Variants in PTPRS observed in about 807,000 individuals in gnomAD.
PTPRS encodes the protein protein tyrosine phosphatase receptor type S, also known as receptor-type tyrosine-protein phosphatase S.
In PTPRS, 63 loss-of-function variants were observed where a neutral mutation model predicts 215.3. The ratio of observed to expected loss-of-function variants is 0.29; its 90% CI spans 0.24 to 0.36. The LOEUF is 0.36. PTPRS is among the 10% of genes least tolerant of loss of function. PTPRS has a pLI of 1.00. For missense variants in PTPRS, 2,258 were observed against 2,825.8 expected (o/e 0.80, Z 4.56); for synonymous variants, 1,404 against 1,191.4 (o/e 1.18, Z -3.68).
intron 17 of PTPRS, among the ~76,000 whole-genome samples, chr19:5,224,476 C>A (rs146237837): frequency 6.6e-6 from 1 of 152,166 alleles, no homozygotes; most frequent in South Asian, 2.1e-4. Flanking sequence ...ATCCAAAATC[C>A]GCCCCTGCTC....
rs1375643869 is a variant in PTPRS at position 5,223,255 on chromosome 19, C to T, written c.2537G>A (p.Gly846Asp). 6.8e-7 allele frequency: 1 copy of T among 1,477,296 alleles called. No homozygotes were observed. The highest frequency in any genetic ancestry group is 2.3e-5 in the Admixed American group (1 of 42,746). The allele number at this position is 1,477,296 out of a possible 1,614,324, so 91.5% of individuals were successfully genotyped here. ...PTLSVQQTPE[G>D]SLLARWEPPA... ...GGGCTCCCAGCGTGCCAGCAGGCTG[C>T]CCTCGGGGGTCTGCTGCACCGACAG... is the stretch of plus-strand genomic sequence containing the variant. Residue 846 changes from glycine to aspartate, a missense_variant, in exon 18 of 38, where the codon GGC (glycine) becomes GAC (aspartate). Coordinates refer to ENST00000262963, the MANE Select transcript of PTPRS (RefSeq NM_002850.4).
intron 20 of PTPRS, among the ~76,000 whole-genome samples, 195 bp from the exon 21 acceptor site, chr19:5,220,548 T>A (rs942987005): frequency 6.6e-6 from 1 of 152,222 alleles, no homozygotes; most frequent in Non-Finnish European, 1.5e-5. Context: ...TGCTGTACTT[T>A]CTGCGTAGAA....
At chr19:5,303,693 G>T (rs1211871917) in intron 1 of PTPRS, among the ~76,000 whole-genome samples, 5 of 151,930 alleles carry the variant, frequency 3.3e-5, no homozygotes, top group African/African-American at 1.2e-4. Context: ...CTCACACCTG[G>T]AATCCCAGCA....
chr19:5,333,606 GC>G (rs958698754), intron 1 of PTPRS, among the ~76,000 whole-genome samples: 1 of 151,444 alleles, frequency 6.6e-6, no homozygotes, highest in Non-Finnish European at 1.5e-5. Flanking sequence ...TCTTGTTTCC[GC>G]CCCCCTCACC....
intron 2 of PTPRS, among the ~76,000 whole-genome samples, chr19:5,276,468 C>T (rs1329024201): frequency 6.6e-6 from 1 of 152,096 alleles, no homozygotes; most frequent in Non-Finnish European, 1.5e-5. Context: ...AGTGATCCAC[C>T]TACCTTGGCC....
chr19:5,214,994 C>T (rs901856538), intron 28 of PTPRS, among the ~76,000 whole-genome samples: 1 of 152,276 alleles, frequency 6.6e-6, no homozygotes, highest in Non-Finnish European at 1.5e-5. Flanking sequence ...ACGCCAGCAA[C>T]ATTTCTTCCC....
chr19:5,229,290 G>T, intron 16 of PTPRS, 26 bp downstream of exon 16: 1 of 1,379,184 alleles, frequency 7.3e-7, no homozygotes, highest in African/African-American at 1.5e-5. Flanking sequence ...CACAGCAGTA[G>T]GTGGGTGGCC....
intron 1 of PTPRS, among the ~76,000 whole-genome samples, chr19:5,324,863 A>G (rs1023120349): frequency 1.3e-5 from 2 of 152,220 alleles, no homozygotes; most frequent in Non-Finnish European, 2.9e-5. Flanking sequence ...ACTGTTTGCA[A>G]AACTTCGAGT....
rs1207115 is a variant in PTPRS at position 5,340,644 on chromosome 19, A to T, written c.-95+20T>A. On this transcript the variant is annotated intron_variant, in intron 1 of 37. Coordinates refer to ENST00000262963, the MANE Select transcript of PTPRS (RefSeq NM_002850.4). ...TTTTTTTCCTCTAATCCATGATTTT[A>T]TTTTTTTTTTTGGCTTTACCTGGAG... 104,436 of 140,582 alleles carry T rather than the reference A, an allele frequency of 0.74. 38,643 individuals are homozygous for T. Among genetic ancestry groups the T allele is most frequent in the African/African-American group, 0.87 (34,245 of 39,412 alleles). The allele number at this position is 140,582 out of a possible 1,614,324, so 8.7% of individuals were successfully genotyped here.
intron 2 of PTPRS, among the ~76,000 whole-genome samples, chr19:5,285,041 G>C (rs2048227666): frequency 6.6e-6 from 1 of 152,244 alleles, no homozygotes; most frequent in African/African-American, 2.4e-5. Context: ...TTGTTAACCA[G>C]CAGTAATACC....
chr19:5,285,687 G>T (rs538613555), intron 2 of PTPRS, among the ~76,000 whole-genome samples: 5 of 152,282 alleles, frequency 3.3e-5, no homozygotes, highest in Non-Finnish European at 7.3e-5. Context: ...TTCCCTCATT[G>T]GGAAACGTGG....
chr19:5,235,090 G>A (rs545443924), intron 13 of PTPRS, among the ~76,000 whole-genome samples: 9 of 152,008 alleles, frequency 5.9e-5, no homozygotes, highest in East Asian at 5.8e-4. Context: ...ACAGGCGCCC[G>A]CCACCACGCT....
intron 1 of PTPRS, among the ~76,000 whole-genome samples, chr19:5,306,569 G>A (rs1339227247): frequency 2.0e-5 from 3 of 152,146 alleles, no homozygotes; most frequent in Non-Finnish European, 4.4e-5. Flanking sequence ...AGGATCTTCC[G>A]TGGCAAGGCT....
intron 17 of PTPRS, 88 bp downstream of exon 17, chr19:5,225,639 T>TA: frequency 8.5e-7 from 1 of 1,170,320 alleles, no homozygotes; most frequent in Non-Finnish European, 1.3e-6. Context: ...CTGCCTGCCC[T>TA]TGTGAGCTCA....
chr19:5,223,290 G>A lies in PTPRS; in HGVS notation c.2502C>T (p.Gly834=), dbSNP rs1439567982. The A allele has an allele frequency of 2.1e-6, 3 of 1,459,840 alleles. No homozygotes were observed. Among genetic ancestry groups the A allele is most frequent in the Non-Finnish European group, 2.7e-6 (3 of 1,113,322 alleles). The allele number at this position is 1,459,840 out of a possible 1,614,324, so 90.4% of individuals were successfully genotyped here. A position where few individuals can be genotyped will look rare whatever the true frequency, so the allele number is the denominator to read the frequency against. The change falls in exon 18 of 38, where the codon GGC becomes GGT. Residue 834 remains glycine (G), a synonymous_variant. Transcript: ENST00000262963. ...KVVVTKGAVL[G]RPTLSVQQTP... ...TCTGCTGCACCGACAGGGTTGGGCGGCCCAGCACTGCGGGGATACGGGGCA... is the reference window on the plus strand; with the variant it reads ...TCTGCTGCACCGACAGGGTTGGGCGACCCAGCACTGCGGGGATACGGGGCA...
At chr19:5,283,885 C>T (rs918964098) in intron 2 of PTPRS, among the ~76,000 whole-genome samples, 15 of 151,718 alleles carry the variant, frequency 9.9e-5, no homozygotes, top group Admixed American at 3.3e-4. Flanking sequence ...CCAGCCTGGG[C>T]AACATAGTAA....
chr19:5,251,489 C>G (rs2045069799), intron 9 of PTPRS, among the ~76,000 whole-genome samples: 1 of 151,310 alleles, frequency 6.6e-6, no homozygotes, highest in Non-Finnish European at 1.5e-5. Context: ...GTTTTTCCCC[C>G]AGTTCTGGCC....
intron 17 of PTPRS, 67 bp from the exon 18 acceptor site, chr19:5,223,364 G>C (rs973059492): frequency 1.4e-6 from 2 of 1,384,590 alleles, no homozygotes; most frequent in Non-Finnish European, 1.9e-6. Flanking sequence ...ACAAGGTGGG[G>C]TTGTATTTTT....
Position 5,293,258 on chromosome 19 carries a change from C to CCTCGGCCTGGGGAG in PTPRS, c.-94-7038_-94-7025dup, listed in dbSNP as rs1008508275. The CCTCGGCCTGGGGAG allele has an allele frequency of 3.3e-5, 5 of 150,950 alleles. No homozygotes were observed. The highest frequency in any genetic ancestry group is 2.0e-4 in the East Asian group (1 of 5,010). 9.4% of individuals were successfully genotyped at this position (150,950 alleles called of 1,614,324 possible). Reference sequence around the variant, plus strand: ...GCGCGCAGCGAAGACTCGGGAGAGGCCTCGGCCTGGGGAGCTCGGCCTGGG... The same window carrying CCTCGGCCTGGGGAG: ...GCGCGCAGCGAAGACTCGGGAGAGGCCTCGGCCTGGGGAGCTCGGCCTGGGGAGCTCGGCCTGGG... On this transcript the variant is annotated intron_variant, in intron 1 of 37. Coordinates refer to ENST00000262963, the MANE Select transcript of PTPRS (RefSeq NM_002850.4). This position sits in a 1 kb window ranked among gnomAD's most constrained non-coding sequence, Gnocchi z 8.4.
Sources: gnomAD v4.1 joint callset for allele counts (sites outside exome capture counted in the v4.1 genomes callset) on GRCh38, gnomAD v4.1.1 for gene constraint, Gnocchi (gnomAD v3.1) non-coding constraint, MANE v1.5 for transcripts, NCBI Gene and HGNC (gene_info 2026-07-23, HGNC 2026-07-21) for gene names.